Variants in TMTC1 observed in about 807,000 individuals in gnomAD.
TMTC1 encodes transmembrane O-mannosyltransferase targeting cadherins 1.
A neutral mutation model predicts 104.8 loss-of-function variants in TMTC1; 73 were observed. That is an observed-to-expected ratio of 0.70 (90% CI 0.58 to 0.85). The LOEUF (loss-of-function observed/expected upper bound fraction) is 0.85, where lower values mean the gene tolerates loss of function less well. TMTC1 is among the 40% of genes least tolerant of loss of function. The pLI, the probability that TMTC1 is intolerant of heterozygous loss-of-function variation, is 0.00. For missense variants in TMTC1, 1,035 were observed against 1,096.1 expected (o/e 0.94, Z 0.79); for synonymous variants, 434 against 428.7 (o/e 1.01, Z -0.15).
chr12:29,580,903 C>G (rs1945961755), intron 8 of TMTC1, among the ~76,000 whole-genome samples: 1 of 152,160 alleles, frequency 6.6e-6, no homozygotes, highest in Admixed American at 6.5e-5. Flanking sequence ...TGCACATTCT[C>G]TCTCTCTCAT....
chr12:29,547,696 T>C (rs1407430491), intron 10 of TMTC1, among the ~76,000 whole-genome samples: 2 of 152,076 alleles, frequency 1.3e-5, no homozygotes, highest in South Asian at 2.1e-4. Flanking sequence ...GTTTACACAA[T>C]ATGGGAGAGG....
chr12:29,613,243 G>A (rs569728539), intron 6 of TMTC1, among the ~76,000 whole-genome samples: 1 of 152,310 alleles, frequency 6.6e-6, no homozygotes, highest in South Asian at 2.1e-4. Context: ...AGTGACTCAG[G>A]AGAAAGGGGG....
At chr12:29,750,012 G>A (rs947995023) in intron 5 of TMTC1, among the ~76,000 whole-genome samples, 4 of 150,950 alleles carry the variant, frequency 2.6e-5, no homozygotes, top group African/African-American at 4.9e-5. Context: ...CCTGCACCAC[G>A]AAGAGGCCAG....
chr12:29,618,767 A>C (rs547122968), intron 6 of TMTC1, among the ~76,000 whole-genome samples: 2 of 152,276 alleles, frequency 1.3e-5, no homozygotes, highest in East Asian at 3.9e-4. Context: ...CTAATTACAT[A>C]TATCAGGGTT....
chr12:29,561,344 T>G (rs1040159309), intron 9 of TMTC1, among the ~76,000 whole-genome samples: 4 of 152,220 alleles, frequency 2.6e-5, no homozygotes, highest in Non-Finnish European at 5.9e-5. Context: ...TCTTGTTGTT[T>G]CTTTGGCTAA....
chr12:29,736,929 C>T (rs1315551923), intron 5 of TMTC1, among the ~76,000 whole-genome samples: 6 of 152,190 alleles, frequency 3.9e-5, no homozygotes, highest in Admixed American at 3.3e-4. Context: ...AGCAGTTCCA[C>T]GAAGAGCAGC....
intron 9 of TMTC1, among the ~76,000 whole-genome samples, chr12:29,561,338 G>C (rs1039923213): frequency 1.3e-5 from 2 of 152,112 alleles, no homozygotes; most frequent in Non-Finnish European, 2.9e-5. Flanking sequence ...TTTTCATCTT[G>C]TTGTTTCTTT....
rs200332475 is a variant in TMTC1, at chr12:29,585,654, A to C, written c.1251-2080T>G. On this transcript the variant is annotated intron_variant, in intron 7 of 17. Coordinates refer to ENST00000539277, the MANE Select transcript of TMTC1 (RefSeq NM_001193451.2). Reference sequence around the variant, plus strand: ...GGAAGGGATCCAGTTTCAGCTTTCTACATATGGCTAGCCAGTTTTCCCAGC... The same window carrying C: ...GGAAGGGATCCAGTTTCAGCTTTCTCCATATGGCTAGCCAGTTTTCCCAGC... Among the ~76,000 whole-genome samples, 751 of 150,712 alleles carry C rather than the reference A, an allele frequency of 5.0e-3. 13 individuals are homozygous for C. Among genetic ancestry groups the C allele is most frequent in the Admixed American group, 0.032 (487 of 15,276 alleles).
intron 5 of TMTC1, among the ~76,000 whole-genome samples, chr12:29,731,479 C>A (rs780922692): frequency 2.6e-5 from 4 of 152,224 alleles, no homozygotes; most frequent in Non-Finnish European, 5.9e-5. Flanking sequence ...AACGTAACAG[C>A]AAAGCAGTAG....
intron 11 of TMTC1, among the ~76,000 whole-genome samples, chr12:29,528,848 C>T (rs1944419572): frequency 6.6e-6 from 1 of 151,724 alleles, no homozygotes; most frequent in Non-Finnish European, 1.5e-5. Context: ...AAAATATGTG[C>T]TAGTTTACTT....
At chr12:29,628,810 C>T (rs1023187690) in intron 6 of TMTC1, among the ~76,000 whole-genome samples, 2 of 151,948 alleles carry the variant, frequency 1.3e-5, no homozygotes, top group African/African-American at 2.4e-5. Context: ...TACAGGCGCA[C>T]ACCACTATGC....
chr12:29,502,313 G>A lies in TMTC1; in HGVS notation c.*4533C>T. On this transcript the variant is annotated 3_prime_UTR_variant, in exon 18 of 18. Transcript: ENST00000539277. ...TCTAAATTTATTATTTTAAGAAGGT[G>A]AATCCACCACAAATCAAAGCAAAAG... 1 of 147,854 alleles carries A rather than the reference G, an allele frequency of 6.8e-6. No individual in the cohort carries two copies. The highest frequency in any genetic ancestry group is 1.5e-5 in the Non-Finnish European group (1 of 67,430). 9.2% of individuals were successfully genotyped at this position (147,854 alleles called of 1,614,324 possible). A position where few individuals can be genotyped will look rare whatever the true frequency, so the allele number is the denominator to read the frequency against.
At chr12:29,612,454 G>T (rs547398458) in intron 6 of TMTC1, among the ~76,000 whole-genome samples, 7 of 152,038 alleles carry the variant, frequency 4.6e-5, no homozygotes, top group Admixed American at 2.0e-4. Flanking sequence ...TTGCTCTGTC[G>T]CCCAGGCTGG....
intron 5 of TMTC1, among the ~76,000 whole-genome samples, chr12:29,683,656 T>C (rs1462123333): frequency 6.6e-6 from 1 of 152,094 alleles, no homozygotes; most frequent in Non-Finnish European, 1.5e-5. Flanking sequence ...ATTTTCTCTT[T>C]TAGACAATTC....
chr12:29,701,178 T>C (rs566806221), intron 5 of TMTC1, among the ~76,000 whole-genome samples: 39 of 152,136 alleles, frequency 2.6e-4, no homozygotes, highest in Admixed American at 2.6e-3. Context: ...TACAAGTAAA[T>C]TCAGAAGATT....
rs148777499 is a variant in TMTC1, at chr12:29,604,282, C to T, written c.1146G>A (p.Glu382=). 1.3e-4 allele frequency: 207 copies of T among 1,614,000 alleles called. No homozygotes were observed. In the African/African-American group the frequency reaches 2.5e-3, roughly 19 times the overall value. Residue 382 remains glutamate (E), a synonymous_variant, in exon 7 of 18, where the codon GAG becomes GAA. Coordinates refer to ENST00000539277, the MANE Select transcript of TMTC1 (RefSeq NM_001193451.2). The part of the protein sequence containing the change: ...LAAFKRLEHK[E]VLVGLLFLVF... Reference sequence around the variant, plus strand: ...CCAGGAACAACAAGCCGACTAAAACCTCCTTGTGCTCCAGTCTCTGAAACA... The same window carrying T: ...CCAGGAACAACAAGCCGACTAAAACTTCCTTGTGCTCCAGTCTCTGAAACA...
intron 6 of TMTC1, chr12:29,613,907 C>T (rs1016034483): frequency 5.1e-6 from 5 of 974,542 alleles, no homozygotes; most frequent in Non-Finnish European, 6.1e-6. Flanking sequence ...AAGTCACACT[C>T]ACCAAAATGC....
rs536088644 is a variant in TMTC1 at position 29,707,998 on chromosome 12, T to G, written c.938+43668A>C. Among the ~76,000 whole-genome samples, 4 of 152,328 alleles carry G rather than the reference T, an allele frequency of 2.6e-5. No individual in the cohort carries two copies. In the South Asian group the frequency reaches 8.3e-4, roughly 32 times the overall value. On this transcript the variant is annotated intron_variant, in intron 5 of 17. Coordinates refer to ENST00000539277, the MANE Select transcript of TMTC1 (RefSeq NM_001193451.2). ...TGGAAGACATGTAGTGAACCCCTGC[T>G]GAGAAACGAGGTACTCTGAGGAGAC...
chr12:29,620,951 C>T (rs1006859647), intron 6 of TMTC1, among the ~76,000 whole-genome samples: 3 of 152,170 alleles, frequency 2.0e-5, no homozygotes, highest in Admixed American at 6.5e-5. Flanking sequence ...CGTGGCAAGG[C>T]ATCATCAGGG....
Sources: allele counts gnomAD v4.1 joint callset (sites outside exome capture counted in the v4.1 genomes callset), GRCh38; gene constraint gnomAD v4.1.1; transcripts MANE v1.5; gene names NCBI Gene and HGNC (gene_info 2026-07-23, HGNC 2026-07-21).